The following BCL3 variants were observed in gnomAD, a reference collection of about 807,000 sequenced individuals.
BCL3 encodes BCL3 transcription coactivator.
In BCL3, 15 loss-of-function variants were observed where a neutral mutation model predicts 35.7. The observed-to-expected ratio is 0.42, with a 90% CI of 0.28 to 0.65. The LOEUF is 0.65. BCL3 is among the 30% of genes least tolerant of loss of function. The pLI, the probability that BCL3 is intolerant of heterozygous loss-of-function variation, is 0.22. For synonymous variants in BCL3, 311 were observed against 284.3 expected (o/e 1.09, Z -0.95); for missense variants, 565 against 641.7 (o/e 0.88, Z 1.29).
rs2122280022 is a variant in BCL3 at position 44,751,109 on chromosome 19, G to A, written c.257-118G>A. 3.7e-6 allele frequency: 5 copies of A among 1,340,824 alleles called. No individual in the cohort carries two copies. The Middle Eastern group carries it at 5.7e-4, about 152-fold the overall frequency. The allele number at this position is 1,340,824 out of a possible 1,614,324, so 83.1% of individuals were successfully genotyped here. A position where few individuals can be genotyped will look rare whatever the true frequency, so the allele number is the denominator to read the frequency against. On this transcript the variant is annotated intron_variant, in intron 1 of 8. Transcript: ENST00000164227. Reference sequence around the variant, plus strand: ...TGAGGACCCTGTATGGGATGCAAAAGGGACCCAGGAGAAAGGGCAGGTGAC... The same window carrying A: ...TGAGGACCCTGTATGGGATGCAAAAAGGACCCAGGAGAAAGGGCAGGTGAC...
chr19:44,751,135 A>C (rs1220831415), intron 1 of BCL3, 92 bp from the exon 2 acceptor site: 1 of 1,495,062 alleles, frequency 6.7e-7, no homozygotes, highest in Non-Finnish European at 9.0e-7. Flanking sequence ...GGCAGGTGAC[A>C]CCACAGGAGC....
chr19:44,752,005 A>T (rs1311323182), intron 2 of BCL3, among the ~76,000 whole-genome samples: 6 of 152,052 alleles, frequency 3.9e-5, no homozygotes, highest in African/African-American at 1.4e-4. Context: ...TATACATGTA[A>T]AACTATCACT....
chr19:44,749,374 G>A (rs1967134285), intron 1 of BCL3, among the ~76,000 whole-genome samples: 1 of 151,766 alleles, frequency 6.6e-6, no homozygotes. Flanking sequence ...CTAGGGGCAA[G>A]AAAGTACAAG....
chr19:44,749,124 G>A (rs1967126827), intron 1 of BCL3, 78 bp downstream of exon 1: 1 of 761,858 alleles, frequency 1.3e-6, no homozygotes, highest in Non-Finnish European at 1.7e-6. Flanking sequence ...GGCAGAGCTT[G>A]AGGCACAAAC....
At chr19:44,750,423 C>T (rs1000989591) in intron 1 of BCL3, among the ~76,000 whole-genome samples, 14 of 152,132 alleles carry the variant, frequency 9.2e-5, no homozygotes, top group Admixed American at 5.2e-4. Context: ...CTCAGCCTCC[C>T]GAGTAGCTGG....
At position 44,760,031 on chromosome 19, in the gene BCL3, A is replaced by AT. The variant is rs1833809802; in HGVS notation, c.*421dup. 1 of 245,800 alleles carries AT rather than the reference A, an allele frequency of 4.1e-6. No homozygotes were observed. The allele number at this position is 245,800 out of a possible 1,614,324, so 15.2% of individuals were successfully genotyped here. A position where few individuals can be genotyped will look rare whatever the true frequency, so the allele number is the denominator to read the frequency against. ...GGTTGGATTTCTTTTGTAATAAACT[A>AT]TTTTTGTACCATATCCCTTGGGTGC... On this transcript the variant is annotated 3_prime_UTR_variant, in exon 9 of 9. Transcript: ENST00000164227.
chr19:44,756,955 TG>T, intron 3 of BCL3, 61 bp from the exon 4 acceptor site: 1 of 1,461,586 alleles, frequency 6.8e-7, no homozygotes, highest in Non-Finnish European at 9.3e-7. Flanking sequence ...TCAGAAAACC[TG>T]GGGGAGGCAG....
rs34390099 is a variant in BCL3, at chr19:44,749,284, T to TGG, written c.256+250_256+251dup. On this transcript the variant is annotated intron_variant, in intron 1 of 8. Transcript: ENST00000164227. ...GGCAAAGCCCAGGGGCTGAGTGACG[T>TGG]GGGGGGGGGGGGGCCAGGGACAATG... is the stretch of plus-strand genomic sequence containing the variant. 9.0e-3 allele frequency among the ~76,000 whole-genome samples: 929 copies of TGG among 103,556 alleles called. 6 individuals are homozygous for TGG. Among genetic ancestry groups the TGG allele is most frequent in the Non-Finnish European group, 0.015 (722 of 46,616 alleles). 67.9% of individuals were successfully genotyped at this position (103,556 alleles called of 152,430 possible).
rs1967279811 is a variant in BCL3 at position 44,756,332 on chromosome 19, C to T, written c.511C>T (p.Leu171=). The T allele has an allele frequency of 1.3e-6, 2 of 1,509,718 alleles. No individual in the cohort carries two copies. The highest frequency in any genetic ancestry group is 2.8e-5 in the African/African-American group (2 of 70,754). The allele number at this position is 1,509,718 out of a possible 1,614,324, so 93.5% of individuals were successfully genotyped here. A position where few individuals can be genotyped will look rare whatever the true frequency, so the allele number is the denominator to read the frequency against. Residue 171 remains leucine (L), a synonymous_variant, in exon 3 of 9, where the codon CTA becomes TTA. Coordinates refer to ENST00000164227, the MANE Select transcript of BCL3 (RefSeq NM_005178.5). Reference sequence around the variant, plus strand: ...CCGGGAGCTCGACATCTACAACAACCTACGGCAGGTGAGGCTCGGTCTGAG... The same window carrying T: ...CCGGGAGCTCGACATCTACAACAACTTACGGCAGGTGAGGCTCGGTCTGAG... ...GGRELDIYNN[L]RQTPLHLAVI... is the part of the protein sequence containing the mutation.
intron 7 of BCL3, 48 bp downstream of exon 7, chr19:44,758,461 G>A: frequency 1.3e-6 from 2 of 1,512,938 alleles, no homozygotes; most frequent in African/African-American, 2.8e-5. Context: ...GTGTGTCCGC[G>A]GGCTGGTTGC....
At chr19:44,754,336 C>T (rs543587753) in intron 2 of BCL3, among the ~76,000 whole-genome samples, 32 of 152,158 alleles carry the variant, frequency 2.1e-4, no homozygotes, top group Admixed American at 2.0e-3. Flanking sequence ...ATGCGCCCCC[C>T]CTACACACAC....
chr19:44,749,807 T>G (rs531792473), intron 1 of BCL3, among the ~76,000 whole-genome samples: 1 of 152,208 alleles, frequency 6.6e-6, no homozygotes, highest in Non-Finnish European at 1.5e-5. Context: ...TAAGATTGGG[T>G]AATTCTGAGA....
At position 44,748,915 on chromosome 19, in the gene BCL3, C is replaced by A; in HGVS notation, c.125C>A (p.Pro42Gln). The change falls in exon 1 of 9, where the codon CCG (proline) becomes CAG (glutamine). Residue 42 changes from proline (P) to glutamine (Q), a missense_variant. This residue lies in a region of BCL3 where 267 missense variants were observed against 281.5 expected (regional missense o/e 0.95). Transcript: ENST00000164227. ...AAGCGCCCGCTGCGCGCGCCCTCCC[C>A]GGAGCCCGCCGCTCCCCGCGGCGCT... ...LRKRPLRAPS[P>Q]EPAAPRGAAG... 8.6e-7 allele frequency: 1 copy of A among 1,161,982 alleles called. No individual in the cohort carries two copies. The highest frequency in any genetic ancestry group is 4.0e-5 in the South Asian group (1 of 25,226). The allele number at this position is 1,161,982 out of a possible 1,614,324, so 72.0% of individuals were successfully genotyped here.
At position 44,757,553 on chromosome 19, in the gene BCL3, G is replaced by T; in HGVS notation, c.814-93G>T. Reference sequence around the variant, plus strand: ...TTGGAGTATCAGACCCAAGAGAGAGGCTGGACCCCGCGAATGGGATGTGGA... The same window carrying T: ...TTGGAGTATCAGACCCAAGAGAGAGTCTGGACCCCGCGAATGGGATGTGGA... On this transcript the variant is annotated intron_variant, in intron 5 of 8. Coordinates refer to ENST00000164227, the MANE Select transcript of BCL3 (RefSeq NM_005178.5). The surrounding 1 kb of genome is among the most constrained non-coding windows in gnomAD (Gnocchi z 8.4). 34 of 1,541,094 alleles carry T rather than the reference G, an allele frequency of 2.2e-5. No homozygotes were observed. The highest frequency in any genetic ancestry group is 3.0e-5 in the Non-Finnish European group (34 of 1,120,482).
chr19:44,748,163 G>A, upstream of BCL3: 2 of 1,107,238 alleles, frequency 1.8e-6, no homozygotes, highest in East Asian at 9.1e-5. Context: ...CCCCGTCCCA[G>A]AGATGCCAAG....
chr19:44,758,271 T>C lies in BCL3; in HGVS notation c.917T>C (p.Met306Thr). The change falls in exon 7 of 9, where the codon ATG becomes ACG. Residue 306 changes from methionine (M) to threonine (T), a missense_variant. This residue lies in a region of BCL3 where 39 missense variants were observed against 88.1 expected (regional missense o/e 0.44). Coordinates refer to ENST00000164227, the MANE Select transcript of BCL3 (RefSeq NM_005178.5). Reference sequence around the variant, plus strand: ...CACGGCGCCAACGTGAACGCGCAAATGTACTCCGGCAGCTCCGCCCTGCAC... The same window carrying C: ...CACGGCGCCAACGTGAACGCGCAAACGTACTCCGGCAGCTCCGCCCTGCAC... ...LQHGANVNAQMYSGSSALHSA... is the reference protein window; with the variant it reads ...LQHGANVNAQTYSGSSALHSA... 2 of 1,515,226 alleles carry C rather than the reference T, an allele frequency of 1.3e-6. No homozygotes were observed. Among genetic ancestry groups the C allele is most frequent in the Non-Finnish European group, 1.8e-6 (2 of 1,141,010 alleles). The allele number at this position is 1,515,226 out of a possible 1,614,324, so 93.9% of individuals were successfully genotyped here.
At chr19:44,758,510 G>A (rs1160519859) in intron 7 of BCL3, 97 bp downstream of exon 7, 4 of 1,453,230 alleles carry the variant, frequency 2.8e-6, no homozygotes, top group Non-Finnish European at 2.8e-6. Flanking sequence ...GAGGGTGTCT[G>A]TGCCGTTGCG....
At chr19:44,753,500 C>A (rs1272859773) in intron 2 of BCL3, among the ~76,000 whole-genome samples, 4 of 152,208 alleles carry the variant, frequency 2.6e-5, no homozygotes, top group South Asian at 2.1e-4. Context: ...CTGCCTCCCC[C>A]ACGTCAGCAC....
At chr19:44,755,698 A>T (rs1224850858) in intron 2 of BCL3, among the ~76,000 whole-genome samples, 1 of 152,166 alleles carries the variant, frequency 6.6e-6, no homozygotes, top group African/African-American at 2.4e-5. Flanking sequence ...CAGGAGGATC[A>T]CTTGAACCCA....
Sources: gnomAD v4.1 joint callset for allele counts (sites outside exome capture counted in the v4.1 genomes callset) on GRCh38, gnomAD v4.1.1 for gene constraint, gnomAD v4.1.1 regional missense constraint, Gnocchi (gnomAD v3.1) non-coding constraint, MANE v1.5 for transcripts, NCBI Gene and HGNC (gene_info 2026-07-23, HGNC 2026-07-21) for gene names.